IGLL5: variants seen among roughly 807,000 people sequenced by gnomAD.
IGLL5 encodes immunoglobulin lambda like polypeptide 5, also known as immunoglobulin lambda-like polypeptide 5.
Under a neutral mutation model 20.9 loss-of-function variants are expected in IGLL5, and 30 were observed. The ratio of observed to expected loss-of-function variants is 1.44; its 90% confidence interval spans 1.07 to 1.95. The LOEUF (loss-of-function observed/expected upper bound fraction) is 1.95, where lower values mean the gene tolerates loss of function less well. Among genes scored for constraint, IGLL5 ranks in the 30% most tolerant of loss-of-function variants. IGLL5 has a pLI of 0.00. For synonymous variants in IGLL5, 203 were observed against 117.3 expected, an observed-to-expected ratio of 1.73 and a Z score of -4.72; for missense variants, 475 against 270.7, an observed-to-expected ratio of 1.75 and a Z score of -5.30.
At chr22:22,888,600 T>A (rs191116199) in intron 1 of IGLL5, among the ~76,000 whole-genome samples, 3 of 151,316 alleles carry the variant, frequency 2.0e-5, no homozygotes, top group East Asian at 2.0e-4. Context: ...TGGTGGCCAC[T>A]GTCCCCACAG....
chr22:22,889,198 G>A (rs1601606851), intron 1 of IGLL5, among the ~76,000 whole-genome samples: 1 of 151,210 alleles, frequency 6.6e-6, no homozygotes, highest in Admixed American at 6.6e-5. Context: ...GGTAGGTGGG[G>A]ATCCTGGAGG....
At position 22,888,536 on chromosome 22, in the gene IGLL5, C is replaced by T. The variant is rs60464057; in HGVS notation, c.206+277C>T. 5.3e-5 allele frequency among the ~76,000 whole-genome samples: 8 copies of T among 151,312 alleles called. 1 individual carries two copies. Among genetic ancestry groups the T allele is most frequent in the South Asian group, 2.1e-4 (1 of 4,752 alleles). On this transcript the variant is annotated intron_variant, in intron 1 of 2. Transcript: ENST00000526893. ...GGGTCAGTGCCTCAATCACCTAGTCCTAGTCCTCTGGGTAGGGAAGGAACA... is the reference window on the plus strand; with the variant it reads ...GGGTCAGTGCCTCAATCACCTAGTCTTAGTCCTCTGGGTAGGGAAGGAACA...
chr22:22,889,089 A>C (rs1601606163), intron 1 of IGLL5, among the ~76,000 whole-genome samples: 2 of 151,338 alleles, frequency 1.3e-5, no homozygotes, highest in South Asian at 2.1e-4. Context: ...ATTGATTATC[A>C]GAGTCAGATT....
chr22:22,887,881 A>C lies in IGLL5; in HGVS notation c.-173A>C. ...AGATCCCCAGGGGTGACAGCCATGG[A>C]CCCTGGAAGGGCCTGGGCTAGGGAC... On this transcript the variant is annotated 5_prime_UTR_variant, in exon 1 of 3. Transcript: ENST00000526893. 2 of 657,264 alleles carry C rather than the reference A, an allele frequency of 3.0e-6. No homozygotes were observed. The highest frequency in any genetic ancestry group is 5.5e-6 in the Non-Finnish European group (2 of 361,798). The allele number at this position is 657,264 out of a possible 1,614,324, so 40.7% of individuals were successfully genotyped here.
intron 1 of IGLL5, among the ~76,000 whole-genome samples, chr22:22,889,607 T>A (rs927688655): frequency 6.6e-6 from 1 of 151,242 alleles, no homozygotes; most frequent in Admixed American, 6.6e-5. Context: ...GTTTTTGTTT[T>A]GAAACAGTCT....
chr22:22,894,290 C>G (rs191021863), intron 2 of IGLL5, among the ~76,000 whole-genome samples: 2 of 151,176 alleles, frequency 1.3e-5, no homozygotes, highest in East Asian at 2.0e-4. Flanking sequence ...GGGAGGGCCA[C>G]ACGGCCTGGT....
In IGLL5 at chr22:22,895,977, G is replaced by A; in HGVS notation, c.*283G>A. ...GCCTCCCTGAGTCATCTCCCCAGAG[G>A]GTCCTTCCTCTCCCAGTCACCCCTT... On this transcript the variant is annotated 3_prime_UTR_variant, in exon 3 of 3. Coordinates refer to ENST00000526893, the MANE Select transcript of IGLL5 (RefSeq NM_001178126.2). 1.8e-6 allele frequency: 1 copy of A among 563,074 alleles called. No individual in the cohort carries two copies. The highest frequency in any genetic ancestry group is 1.9e-5 in the African/African-American group (1 of 53,038). 34.9% of individuals were successfully genotyped at this position (563,074 alleles called of 1,614,324 possible).
rs567537853 is a variant in IGLL5, at chr22:22,888,138, C to G, written c.85C>G (p.Leu29Val). ...CAGGCAGCGCTGGCCCCTGCTGCTG[C>G]TGGGTCTGGCCATGGTCGCCCATGG... ...GPRQRWPLLL[L>V]GLAMVAHGLL... The change falls in exon 1 of 3, where the codon CTG (leucine) becomes GTG (valine). Residue 29 changes from leucine (L) to valine (V), a missense_variant. Leu to Val is a conservative substitution (Grantham distance 32). Transcript: ENST00000526893. 13 of 1,549,682 alleles carry G rather than the reference C, an allele frequency of 8.4e-6. No individual in the cohort carries two copies. Among genetic ancestry groups the G allele is most frequent in the African/African-American group, 4.1e-5 (3 of 72,930 alleles).
intron 2 of IGLL5, among the ~76,000 whole-genome samples, chr22:22,894,609 G>A (rs2066673499): frequency 2.0e-5 from 3 of 151,314 alleles, no homozygotes; most frequent in East Asian, 2.0e-4. Context: ...AGAGGGGAGT[G>A]AATGAGGGGT....
At chr22:22,888,403 T>A (rs571226999) in intron 1 of IGLL5, 144 bp downstream of exon 1, 5 of 652,388 alleles carry the variant, frequency 7.7e-6, no homozygotes, top group Non-Finnish European at 1.1e-5. Flanking sequence ...AGTAATGGGT[T>A]GATATTTTGT....
At chr22:22,889,640 T>A (rs531499366) in intron 1 of IGLL5, among the ~76,000 whole-genome samples, 2 of 151,324 alleles carry the variant, frequency 1.3e-5, no homozygotes, top group East Asian at 2.0e-4. Context: ...CAGGCTGGAG[T>A]ACAGTGGCGT....
chr22:22,893,873 A>T (rs906496202), intron 2 of IGLL5, 55 bp downstream of exon 2: 5 of 1,237,460 alleles, frequency 4.0e-6, no homozygotes, highest in Non-Finnish European at 3.6e-6. Context: ...TCCCTGGAAA[A>T]TCTGTTTTCT....
Position 22,895,620 on chromosome 22 carries a change from A to G in IGLL5, c.571A>G (p.Arg191Gly), listed in dbSNP as rs780264941. The change falls in exon 3 of 3, where the codon AGA becomes GGA. Residue 191 changes from arginine (R) to glycine (G), a missense_variant. Transcript: ENST00000526893. ...GACGCCCGAGCAGTGGAAGTCCCAC[A>G]GAAGCTACAGCTGCCAGGTCACGCA... ...SLTPEQWKSH[R>G]SYSCQVTHEG... The G allele has an allele frequency of 6.2e-7, 1 of 1,613,380 alleles. No individual in the cohort carries two copies.
intron 2 of IGLL5, among the ~76,000 whole-genome samples, chr22:22,894,478 T>C (rs2068036872): frequency 2.0e-5 from 3 of 151,294 alleles, no homozygotes; most frequent in Admixed American, 6.6e-5. Context: ...AAGGAGACAG[T>C]CTCTTAGGGC....
At chr22:22,895,010 A>G (rs559040552) in intron 2 of IGLL5, among the ~76,000 whole-genome samples, 1 of 151,282 alleles carries the variant, frequency 6.6e-6, no homozygotes, top group Admixed American at 6.6e-5. Flanking sequence ...TGGGTGATGG[A>G]GGGGGGTATA....
chr22:22,890,622 A>T (rs2067813050), intron 1 of IGLL5, among the ~76,000 whole-genome samples: 1 of 149,116 alleles, frequency 6.7e-6, no homozygotes, highest in African/African-American at 2.5e-5. Flanking sequence ...GTGCACTTAT[A>T]TATCTCCCCA....
chr22:22,895,451 AGT>A lies in IGLL5; in HGVS notation c.407_408del (p.Cys136SerfsTer4). ...AGCTCCAAGCCAACAAGGCCACACT[AGT>A]GTGTCTGATCAGTGACTTCTACCCG... Reference protein sequence around the residue: ...EELQANKATLVCLISDFYPGA... With the variant: ...EELQANKATLXCLISDFYPGA... On this transcript the variant is annotated frameshift_variant, in exon 3 of 3. Transcript: ENST00000526893. LOFTEE classifies it high-confidence loss of function. 6.2e-7 allele frequency: 1 copy of A among 1,612,732 alleles called. No homozygotes were observed. The highest frequency in any genetic ancestry group is 8.5e-7 in the Non-Finnish European group (1 of 1,179,522).
At chr22:22,890,027 G>C (rs758695025) in intron 1 of IGLL5, among the ~76,000 whole-genome samples, 1 of 150,922 alleles carries the variant, frequency 6.6e-6, no homozygotes, top group African/African-American at 2.4e-5. Flanking sequence ...TTCTGGTTTT[G>C]TGAAGTTGTT....
In IGLL5 at chr22:22,895,537, C is replaced by T. The variant is rs375956521; in HGVS notation, c.488C>T (p.Thr163Ile). ...AGCCCCGTCAAGGCGGGAGTGGAGA[C>T]CACCAAACCCTCCAAACAGAGCAAC... is the stretch of plus-strand genomic sequence containing the variant. ...DGSPVKAGVE[T>I]TKPSKQSNNK... is the part of the protein sequence containing the mutation. Residue 163 changes from threonine to isoleucine, a missense_variant, in exon 3 of 3, where the codon ACC becomes ATC. By Grantham distance (89) the Thr-to-Ile change is moderately conservative. Coordinates refer to ENST00000526893, the MANE Select transcript of IGLL5 (RefSeq NM_001178126.2). 1 of 1,612,830 alleles carries T rather than the reference C, an allele frequency of 6.2e-7. No homozygotes were observed. Among genetic ancestry groups the T allele is most frequent in the Non-Finnish European group, 8.5e-7 (1 of 1,179,690 alleles).
Sources: gnomAD v4.1 joint callset for allele counts (sites outside exome capture counted in the v4.1 genomes callset) on GRCh38, gnomAD v4.1.1 for gene constraint, MANE v1.5 for transcripts, NCBI Gene and HGNC (gene_info 2026-07-23, HGNC 2026-07-21) for gene names.